Variants in EIF4B observed in about 807,000 individuals in gnomAD.
EIF4B encodes eukaryotic translation initiation factor 4B.
In EIF4B, 8 loss-of-function variants were observed where a neutral mutation model predicts 79.3. That is an observed-to-expected ratio of 0.10 (90% CI 0.06 to 0.18). The LOEUF is 0.18. Ranked by LOEUF, EIF4B falls within the 10% of genes least tolerant of loss-of-function variation. The pLI, the probability that EIF4B is intolerant of heterozygous loss-of-function variation, is 1.00. For synonymous variants in EIF4B, 238 were observed against 274.7 expected, an observed-to-expected ratio of 0.87 and a Z score of 1.32; for missense variants, 515 against 792.4, an observed-to-expected ratio of 0.65 and a Z score of 4.20.
chr12:53,015,335 A>G (rs1943131490), intron 1 of EIF4B, among the ~76,000 whole-genome samples: 1 of 152,172 alleles, frequency 6.6e-6, no homozygotes, highest in Non-Finnish European at 1.5e-5. Context: ...AACTTTACAG[A>G]CATCTGGTGT....
intron 8 of EIF4B, among the ~76,000 whole-genome samples, chr12:53,028,990 G>T (rs1943387590): frequency 6.6e-6 from 1 of 152,084 alleles, no homozygotes; most frequent in Non-Finnish European, 1.5e-5. Flanking sequence ...GGTGGCCGTA[G>T]TGGCACATAC....
intron 1 of EIF4B, among the ~76,000 whole-genome samples, chr12:53,007,066 G>A (rs1266400171): frequency 1.3e-5 from 2 of 152,222 alleles, no homozygotes; most frequent in Non-Finnish European, 2.9e-5. Context: ...CCTTCAATGC[G>A]TGCGCTAGAA....
chr12:53,006,554 G>T, intron 1 of EIF4B, 58 bp downstream of exon 1: 1 of 1,612,278 alleles, frequency 6.2e-7, no homozygotes, highest in Non-Finnish European at 8.5e-7. Context: ...CTCCGAGCGT[G>T]ATCCACTGAT....
Position 53,038,382 on chromosome 12 carries a change from A to T in EIF4B, c.1547A>T (p.Gln516Leu). The change falls in exon 12 of 15, where the codon CAA becomes CTA. Residue 516 changes from glutamine to leucine, a missense_variant. Coordinates refer to ENST00000262056, the MANE Select transcript of EIF4B (RefSeq NM_001417.7). ...TSGGGKVAPA[Q>L]PSEEGPGRKD... ...GGTGGGGGAAAAGTAGCTCCAGCTC[A>T]ACCATCTGAGGAAGGACCAGGAAGG... 6.2e-7 allele frequency: 1 copy of T among 1,602,296 alleles called. No individual in the cohort carries two copies. Among genetic ancestry groups the T allele is most frequent in the South Asian group, 1.1e-5 (1 of 89,252 alleles).
intron 6 of EIF4B, chr12:53,025,364 TC>T: frequency 2.5e-6 from 1 of 393,614 alleles, no homozygotes; most frequent in Non-Finnish European, 5.0e-6. Flanking sequence ...GCTGTTGTTA[TC>T]CAAAGCTGCC....
chr12:53,038,988 T>G (rs1049653437), intron 12 of EIF4B: 1 of 375,920 alleles, frequency 2.7e-6, no homozygotes, highest in Non-Finnish European at 4.8e-6. Flanking sequence ...ATAATCTTTA[T>G]TTCCAGCTTG....
intron 4 of EIF4B, 45 bp from the exon 5 acceptor site, chr12:53,021,761 G>A: frequency 6.2e-7 from 1 of 1,611,564 alleles, no homozygotes. Context: ...AGGGATTTGT[G>A]CATAATGGGG....
At chr12:53,015,405 C>A (rs1357647767) in intron 1 of EIF4B, among the ~76,000 whole-genome samples, 1 of 152,182 alleles carries the variant, frequency 6.6e-6, no homozygotes, top group Non-Finnish European at 1.5e-5. Flanking sequence ...TGTGGCCAGG[C>A]ACCATGGCTC....
At chr12:53,007,610 T>C (rs1942991112) in intron 1 of EIF4B, among the ~76,000 whole-genome samples, 1 of 152,126 alleles carries the variant, frequency 6.6e-6, no homozygotes, top group Non-Finnish European at 1.5e-5. Context: ...CAACATCTTG[T>C]AGCATTGATT....
In EIF4B at chr12:53,034,638, C is replaced by T; in HGVS notation, c.1235C>T (p.Thr412Ile). The T allele has an allele frequency of 6.2e-7, 1 of 1,613,950 alleles. No homozygotes were observed. The highest frequency in any genetic ancestry group is 8.5e-7 in the Non-Finnish European group (1 of 1,179,866). Residue 412 changes from threonine (T) to isoleucine (I), a missense_variant, in exon 10 of 15, where the codon ACT becomes ATT. Coordinates refer to ENST00000262056, the MANE Select transcript of EIF4B (RefSeq NM_001417.7). ...ERHPSWRSEE[T>I]QERERSRTGS... ...CACCCAAGCTGGCGAAGTGAAGAAA[C>T]TCAGGAACGGGAACGGTCGAGGACA...
rs1052346353 is a variant in EIF4B, at chr12:53,021,868, A to G, written c.532+8A>G. 9 of 1,614,072 alleles carry G rather than the reference A, an allele frequency of 5.6e-6. No homozygotes were observed. In the Admixed American group the frequency reaches 1.5e-4, roughly 27 times the overall value. ...ATCAAGCACAGGATAAAGGTAAGGA[A>G]ACTGGTAGAGATTTCTGTTTGGTAA... is the stretch of plus-strand genomic sequence containing the variant. On this transcript the variant is annotated splice_region_variant and intron_variant, in intron 5 of 14. Transcript: ENST00000262056.
intron 3 of EIF4B, among the ~76,000 whole-genome samples, chr12:53,019,447 T>TTTTTTTTTTTTTTTG (rs1943208077): frequency 9.0e-6 from 1 of 110,966 alleles, no homozygotes; most frequent in Non-Finnish European, 1.7e-5. Context: ...ATTTTTTTTT[T>TTTTTTTTTTTTTTTG]TTCTTTTTTT....
chr12:53,026,282 T>C (rs1256152787), intron 6 of EIF4B, among the ~76,000 whole-genome samples: 2 of 152,230 alleles, frequency 1.3e-5, no homozygotes, highest in Non-Finnish European at 2.9e-5. Flanking sequence ...AACAGTCAGC[T>C]GGAGCTAAAT....
At chr12:53,021,882 T>A in intron 5 of EIF4B, 22 bp downstream of exon 5, 1 of 1,614,136 alleles carries the variant, frequency 6.2e-7, no homozygotes, top group Non-Finnish European at 8.5e-7. Flanking sequence ...GGTAGAGATT[T>A]CTGTTTGGTA....
chr12:53,038,961 G>A (rs1193612823), intron 12 of EIF4B: 1 of 288,422 alleles, frequency 3.5e-6, no homozygotes, highest in African/African-American at 2.2e-5. Context: ...AATTAACCAA[G>A]GTCACTACAG....
intron 9 of EIF4B, 54 bp downstream of exon 9, chr12:53,034,088 G>GATGTAATGCCCC: frequency 6.6e-7 from 1 of 1,512,450 alleles, no homozygotes. Context: ...CGTAATGGGG[G>GATGTAATGCCCC]CATTACATCC....
At position 53,034,053 on chromosome 12, in the gene EIF4B, T is replaced by A; in HGVS notation, c.1208+19T>A. 1 of 1,592,054 alleles carries A rather than the reference T, an allele frequency of 6.3e-7. No individual in the cohort carries two copies. The highest frequency in any genetic ancestry group is 8.6e-7 in the Non-Finnish European group (1 of 1,167,910). ...GGGAGAGGTGTGTTGTCTTGATGGATATCCCATCTAGGAATCCGGTGGTTC... is the reference window on the plus strand; with the variant it reads ...GGGAGAGGTGTGTTGTCTTGATGGAAATCCCATCTAGGAATCCGGTGGTTC... On this transcript the variant is annotated intron_variant, in intron 9 of 14. Coordinates refer to ENST00000262056, the MANE Select transcript of EIF4B (RefSeq NM_001417.7).
Position 53,016,621 on chromosome 12 carries a change from T to G in EIF4B, c.151+11T>G. The G allele has an allele frequency of 6.4e-7, 1 of 1,566,688 alleles. No individual in the cohort carries two copies. Among genetic ancestry groups the G allele is most frequent in the Non-Finnish European group, 8.6e-7 (1 of 1,160,450 alleles). ...ACCTGGAAGGAGATGGTAACTTTTC[T>G]TTTGTCATCGTGTTTGGAATGTTTA... On this transcript the variant is annotated intron_variant, in intron 2 of 14. Coordinates refer to ENST00000262056, the MANE Select transcript of EIF4B (RefSeq NM_001417.7).
At chr12:53,009,056 G>A (rs1943018348) in intron 1 of EIF4B, among the ~76,000 whole-genome samples, 1 of 152,074 alleles carries the variant, frequency 6.6e-6, no homozygotes, top group Non-Finnish European at 1.5e-5. Flanking sequence ...TTAAAAATAC[G>A]AAGTTTTTCA....
Sources: allele counts gnomAD v4.1 joint callset (sites outside exome capture counted in the v4.1 genomes callset), GRCh38; gene constraint gnomAD v4.1.1; transcripts MANE v1.5; gene names NCBI Gene and HGNC (gene_info 2026-07-23, HGNC 2026-07-21).